The following SNTG2 variants were observed in gnomAD, a reference collection of about 807,000 sequenced individuals.
SNTG2 encodes the protein gamma-2-syntrophin.
A neutral mutation model predicts 70.9 loss-of-function variants in SNTG2; 74 were observed. The observed-to-expected ratio is 1.04, with a 90% CI of 0.86 to 1.27. SNTG2 has a LOEUF of 1.27. Among genes scored for constraint, SNTG2 ranks in the 50% most tolerant of loss-of-function variants. SNTG2 has a pLI of 0.00. For synonymous variants in SNTG2, 278 were observed against 273.8 expected (o/e 1.02, Z -0.15); for missense variants, 717 against 690.7 (o/e 1.04, Z -0.43).
chr2:998,436 C>A (rs919654188), intron 1 of SNTG2, among the ~76,000 whole-genome samples: 3 of 151,438 alleles, frequency 2.0e-5, no homozygotes, highest in South Asian at 2.1e-4. Context: ...GAAAAATTTA[C>A]CAAAGAGATA....
intron 9 of SNTG2, among the ~76,000 whole-genome samples, chr2:1,230,784 G>A (rs555818852): frequency 5.3e-5 from 8 of 152,332 alleles, no homozygotes; most frequent in East Asian, 1.9e-4. Flanking sequence ...ACAAGCCCCC[G>A]CTACCTACTG....
intron 13 of SNTG2, among the ~76,000 whole-genome samples, chr2:1,263,316 A>C (rs1182601311): frequency 2.6e-5 from 4 of 152,206 alleles, no homozygotes; most frequent in Non-Finnish European, 5.9e-5. Flanking sequence ...TTCACATTGC[A>C]TGAAAGAGAA....
intron 6 of SNTG2, among the ~76,000 whole-genome samples, chr2:1,156,027 G>A (rs985217061): frequency 7.9e-5 from 12 of 152,192 alleles, no homozygotes; most frequent in East Asian, 5.8e-4. Flanking sequence ...GAACCCCGCC[G>A]AGGAGACAAC....
At chr2:1,047,451 G>C (rs1661803520) in intron 1 of SNTG2, among the ~76,000 whole-genome samples, 1 of 152,192 alleles carries the variant, frequency 6.6e-6, no homozygotes, top group Admixed American at 6.5e-5. Flanking sequence ...CAGAATTCTT[G>C]TGCTGGTTCT....
chr2:953,283 T>G (rs1660036959), intron 1 of SNTG2, among the ~76,000 whole-genome samples: 1 of 152,266 alleles, frequency 6.6e-6, no homozygotes, highest in African/African-American at 2.4e-5. Flanking sequence ...GTGCGAAGTG[T>G]GTCTTGCTTG....
intron 4 of SNTG2, among the ~76,000 whole-genome samples, chr2:1,124,730 C>A (rs148694135): frequency 6.6e-6 from 1 of 152,020 alleles, no homozygotes; most frequent in Non-Finnish European, 1.5e-5. Context: ...TGGAACCTGA[C>A]GAAAAGGTCA....
At chr2:1,057,785 A>G (rs1395703049) in intron 1 of SNTG2, among the ~76,000 whole-genome samples, 2 of 152,068 alleles carry the variant, frequency 1.3e-5, no homozygotes, top group Admixed American at 6.5e-5. Context: ...CTAAATGTGC[A>G]CAGGATCTTT....
At chr2:999,871 A>G (rs1661810814) in intron 1 of SNTG2, among the ~76,000 whole-genome samples, 1 of 151,954 alleles carries the variant, frequency 6.6e-6, no homozygotes. Context: ...GACAACATAT[A>G]AGGTCGCAAA....
chr2:1,319,043 C>T (rs1334308124), intron 16 of SNTG2, among the ~76,000 whole-genome samples: 1 of 152,168 alleles, frequency 6.6e-6, no homozygotes, highest in Non-Finnish European at 1.5e-5. Flanking sequence ...TCTTGATTAT[C>T]TGTTAATGAA....
At chr2:1,170,329 T>C (rs537201847) in intron 7 of SNTG2, among the ~76,000 whole-genome samples, 61 of 152,286 alleles carry the variant, frequency 4.0e-4, no homozygotes, top group Middle Eastern at 3.4e-3. Context: ...ACTGTCTAAT[T>C]CCAAAACATT....
At chr2:1,251,329 A>G (rs561842650) in intron 12 of SNTG2, among the ~76,000 whole-genome samples, 113 of 152,336 alleles carry the variant, frequency 7.4e-4, no homozygotes, top group South Asian at 6.4e-3. Context: ...AAGTATAAAT[A>G]TATAACTGTT....
chr2:952,784 T>C (rs542606628), intron 1 of SNTG2, among the ~76,000 whole-genome samples: 7 of 152,230 alleles, frequency 4.6e-5, no homozygotes, highest in Admixed American at 3.9e-4. Context: ...CACCAGTGCA[T>C]GGTCATGTTA....
intron 8 of SNTG2, 32 bp from the exon 9 acceptor site, chr2:1,209,071 T>G (rs763641608): frequency 5.0e-6 from 8 of 1,611,390 alleles, no homozygotes; most frequent in Non-Finnish European, 6.8e-6. Context: ...CCTCTGCCTC[T>G]GTGACGCTTC....
intron 14 of SNTG2, among the ~76,000 whole-genome samples, chr2:1,307,820 T>A (rs538001220): frequency 6.6e-6 from 1 of 152,370 alleles, no homozygotes; most frequent in Admixed American, 6.5e-5. Context: ...CCCAGAGACC[T>A]TCCGGGCAGA....
chr2:1,268,156 G>A (rs970977804), intron 14 of SNTG2, among the ~76,000 whole-genome samples: 4 of 152,124 alleles, frequency 2.6e-5, no homozygotes, highest in African/African-American at 7.2e-5. Flanking sequence ...CCTAAATAGC[G>A]GGATGATCCT....
intron 1 of SNTG2, among the ~76,000 whole-genome samples, chr2:978,875 C>T (rs2147964624): frequency 6.6e-6 from 1 of 152,308 alleles, no homozygotes; most frequent in East Asian, 1.9e-4. Context: ...AGAATGTCCT[C>T]ATCCATAAAG....
chr2:1,242,333 CA>C (rs1364569830), intron 11 of SNTG2, among the ~76,000 whole-genome samples: 5 of 151,702 alleles, frequency 3.3e-5, no homozygotes, highest in Non-Finnish European at 5.9e-5. Context: ...AATTTTATGT[CA>C]AAAAAATTTA....
intron 14 of SNTG2, among the ~76,000 whole-genome samples, chr2:1,296,712 T>C (rs755850007): frequency 6.6e-6 from 1 of 152,206 alleles, no homozygotes; most frequent in Non-Finnish European, 1.5e-5. Context: ...TGCCTTTGTG[T>C]AGGAACCTGC....
chr2:962,033 A>G (rs1208974276), intron 1 of SNTG2, among the ~76,000 whole-genome samples: 1 of 152,192 alleles, frequency 6.6e-6, no homozygotes, highest in Non-Finnish European at 1.5e-5. Flanking sequence ...TTCAATCTAG[A>G]CTTCATTGGT....
Sources: gnomAD v4.1 joint callset for allele counts (sites outside exome capture counted in the v4.1 genomes callset) on GRCh38, gnomAD v4.1.1 for gene constraint, MANE v1.5 for transcripts, NCBI Gene and HGNC (gene_info 2026-07-23, HGNC 2026-07-21) for gene names.